The following UBE2H variants were observed in gnomAD, a reference collection of about 807,000 sequenced individuals.
UBE2H encodes ubiquitin-conjugating enzyme E2 H.
Under a neutral mutation model 29.0 loss-of-function variants are expected in UBE2H, and 3 were observed. The observed-to-expected ratio is 0.10, with a 90% CI of 0.05 to 0.27. The LOEUF (loss-of-function observed/expected upper bound fraction) is 0.27. Among genes scored for constraint, UBE2H ranks in the 10% least tolerant of loss-of-function variants. The pLI is 1.00. For missense variants in UBE2H, 68 were observed against 228.2 expected (o/e 0.30, Z 4.52); for synonymous variants, 69 against 82.9 (o/e 0.83, Z 0.91).
intron 1 of UBE2H, among the ~76,000 whole-genome samples, chr7:129,926,189 T>C (rs1807264998): frequency 6.6e-6 from 1 of 152,180 alleles, no homozygotes; most frequent in African/African-American, 2.4e-5. Flanking sequence ...ATAAAGGGTC[T>C]TGCTCTGTTG....
At chr7:129,935,003 A>G (rs201393351) in intron 1 of UBE2H, among the ~76,000 whole-genome samples, 30 of 149,444 alleles carry the variant, frequency 2.0e-4, no homozygotes, top group Middle Eastern at 3.5e-3. Flanking sequence ...GTGTGTGTAT[A>G]TGTGTGTGTG....
chr7:129,939,327 C>G (rs1807595725), intron 1 of UBE2H, among the ~76,000 whole-genome samples: 4 of 152,198 alleles, frequency 2.6e-5, no homozygotes, highest in Admixed American at 1.3e-4. Context: ...GAATGAGCCA[C>G]TGCAACCAGC....
rs904522528 is a variant in UBE2H, at chr7:129,831,652, T to C, written c.*3285A>G. 5 of 152,222 alleles carry C rather than the reference T, an allele frequency of 3.3e-5. No homozygotes were observed. The highest frequency in any genetic ancestry group is 1.2e-4 in the African/African-American group (5 of 41,444). The allele number at this position is 152,222 out of a possible 1,614,324, so 9.4% of individuals were successfully genotyped here. ...TGGCAACTCCTGATAATGACCTCACTAGGATAAAATGCTGGTTGAAACTGC... is the reference window on the plus strand; with the variant it reads ...TGGCAACTCCTGATAATGACCTCACCAGGATAAAATGCTGGTTGAAACTGC... On this transcript the variant is annotated 3_prime_UTR_variant, in exon 7 of 7. Coordinates refer to ENST00000355621, the MANE Select transcript of UBE2H (RefSeq NM_003344.4).
intron 5 of UBE2H, among the ~76,000 whole-genome samples, chr7:129,842,011 TAAA>T (rs1232474718): frequency 2.0e-5 from 3 of 152,248 alleles, no homozygotes; most frequent in Non-Finnish European, 4.4e-5. Context: ...AGAAAGGCCA[TAAA>T]ATGGTATGTT....
chr7:129,874,189 T>C (rs952551501), intron 3 of UBE2H, among the ~76,000 whole-genome samples: 1 of 152,062 alleles, frequency 6.6e-6, no homozygotes, highest in African/African-American at 2.4e-5. Context: ...TCTGGAATGC[T>C]AGTGTTTAAG....
intron 5 of UBE2H, among the ~76,000 whole-genome samples, chr7:129,855,852 G>A (rs1176786935): frequency 1.3e-5 from 2 of 152,088 alleles, no homozygotes; most frequent in East Asian, 1.9e-4. Flanking sequence ...AGCTATTATC[G>A]CACCACTGCA....
At chr7:129,903,351 A>G (rs765550917) in intron 1 of UBE2H, among the ~76,000 whole-genome samples, 59 of 152,392 alleles carry the variant, frequency 3.9e-4, no homozygotes, top group Non-Finnish European at 6.9e-4. Flanking sequence ...AAAATTCTCA[A>G]TAAGACACAG....
chr7:129,864,889 T>A, intron 3 of UBE2H: 1 of 233,108 alleles, frequency 4.3e-6, no homozygotes, highest in South Asian at 4.9e-5. Flanking sequence ...TTCAGTGATT[T>A]GACCAGATTA....
intron 6 of UBE2H, 144 bp from the exon 7 acceptor site, chr7:129,835,205 A>G: frequency 1.6e-6 from 2 of 1,221,144 alleles, no homozygotes; most frequent in South Asian, 3.0e-5. Flanking sequence ...CATGATCACT[A>G]CAGCTAAGGA....
chr7:129,870,611 C>G (rs1317487421), intron 3 of UBE2H, among the ~76,000 whole-genome samples: 1 of 152,194 alleles, frequency 6.6e-6, no homozygotes, highest in Non-Finnish European at 1.5e-5. Context: ...AACAAAGTTT[C>G]TTGACCTTGG....
At chr7:129,857,685 C>T in intron 4 of UBE2H, 122 bp from the exon 5 acceptor site, 1 of 1,049,218 alleles carries the variant, frequency 9.5e-7, no homozygotes, top group South Asian at 1.6e-5. Context: ...AAAAGAATCC[C>T]AATTGGGGAA....
In UBE2H at chr7:129,847,121, A is replaced by C. The variant is rs1030438620; in HGVS notation, c.299-7786T>G. Among the ~76,000 whole-genome samples the C allele has an allele frequency of 5.3e-5, 8 of 152,068 alleles. No homozygotes were observed. The East Asian group carries it at 1.5e-3, about 29-fold the overall frequency. ...GAGTGTAGTGGCACAATCTCAGCTC[A>C]CTGGAACCTCTGCCTTTTGGGTTCA... On this transcript the variant is annotated intron_variant, in intron 5 of 6. Coordinates refer to ENST00000355621, the MANE Select transcript of UBE2H (RefSeq NM_003344.4).
chr7:129,914,551 T>C (rs1165413799), intron 1 of UBE2H, among the ~76,000 whole-genome samples: 1 of 152,148 alleles, frequency 6.6e-6, no homozygotes, highest in Non-Finnish European at 1.5e-5. Context: ...AATCAGATAT[T>C]ACAGTAATGT....
chr7:129,884,416 C>A (rs111408930), intron 1 of UBE2H, among the ~76,000 whole-genome samples: 15,526 of 80,548 alleles, frequency 0.19, 841 homozygotes, highest in Admixed American at 0.26. Context: ...GACTCCATCT[C>A]AAAAAAAAAA....
intron 1 of UBE2H, among the ~76,000 whole-genome samples, chr7:129,935,495 C>G (rs1297046991): frequency 2.6e-5 from 4 of 151,788 alleles, no homozygotes; most frequent in African/African-American, 4.8e-5. Context: ...CAGCATGCTG[C>G]CATTCTATCC....
At chr7:129,947,016 C>A (rs1001919013) in intron 1 of UBE2H, among the ~76,000 whole-genome samples, 2 of 149,614 alleles carry the variant, frequency 1.3e-5, no homozygotes, top group African/African-American at 2.5e-5. Context: ...AAATGCAGGT[C>A]AAGGGGCTAA....
chr7:129,946,479 A>T (rs1807768308), intron 1 of UBE2H, among the ~76,000 whole-genome samples: 2 of 152,230 alleles, frequency 1.3e-5, no homozygotes, highest in Non-Finnish European at 2.9e-5. Flanking sequence ...TAAAAGATAT[A>T]GGAAAAAAGC....
chr7:129,837,898 G>A (rs1238952078), intron 6 of UBE2H, among the ~76,000 whole-genome samples: 1 of 152,074 alleles, frequency 6.6e-6, no homozygotes, highest in Non-Finnish European at 1.5e-5. Flanking sequence ...ATGTAGGCTC[G>A]GTTCTTTTTG....
At chr7:129,897,795 TA>T (rs1182847020) in intron 1 of UBE2H, among the ~76,000 whole-genome samples, 1 of 152,138 alleles carries the variant, frequency 6.6e-6, no homozygotes, top group Non-Finnish European at 1.5e-5. Context: ...AAACAGTGTT[TA>T]AAAAAATCAA....
Sources: gnomAD v4.1 joint callset for allele counts (sites outside exome capture counted in the v4.1 genomes callset) on GRCh38, gnomAD v4.1.1 for gene constraint, MANE v1.5 for transcripts, NCBI Gene and HGNC (gene_info 2026-07-23, HGNC 2026-07-21) for gene names.